Variants in NRG3 observed in about 807,000 individuals in gnomAD.
NRG3 encodes pro-neuregulin-3, membrane-bound isoform.
A neutral mutation model predicts 66.9 loss-of-function variants in NRG3; 31 were observed. The ratio of observed to expected loss-of-function variants is 0.46; its 90% confidence interval spans 0.35 to 0.63. The LOEUF is 0.63. Among genes scored for constraint, NRG3 ranks in the 20% least tolerant of loss-of-function variants. The pLI is 0.00. For missense variants in NRG3, 910 were observed against 878.9 expected, an observed-to-expected ratio of 1.04 and a Z score of -0.45; for synonymous variants, 393 against 359.4, an observed-to-expected ratio of 1.09 and a Z score of -1.06.
At chr10:82,072,881 C>T (rs952818462) in intron 1 of NRG3, among the ~76,000 whole-genome samples, 2 of 152,116 alleles carry the variant, frequency 1.3e-5, no homozygotes. Flanking sequence ...AGCCTTCCTC[C>T]TCAGCCTTCT....
intron 1 of NRG3, among the ~76,000 whole-genome samples, chr10:81,999,170 G>C (rs1448932283): frequency 6.6e-6 from 1 of 152,130 alleles, no homozygotes; most frequent in Non-Finnish European, 1.5e-5. Flanking sequence ...AATGATTATT[G>C]ACAGTAAACA....
chr10:82,825,316 A>G (rs2062150197), intron 3 of NRG3, among the ~76,000 whole-genome samples: 1 of 152,200 alleles, frequency 6.6e-6, no homozygotes. Context: ...TTATATTTAT[A>G]TCTTTGATAC....
intron 2 of NRG3, among the ~76,000 whole-genome samples, chr10:82,612,598 C>A (rs1290063664): frequency 1.3e-5 from 2 of 152,088 alleles, no homozygotes. Flanking sequence ...ATCCATGAAT[C>A]TTTTTATCTG....
chr10:82,391,056 T>C (rs1009136068), intron 2 of NRG3, among the ~76,000 whole-genome samples: 4 of 152,308 alleles, frequency 2.6e-5, no homozygotes, highest in African/African-American at 9.6e-5. Flanking sequence ...AACAAGGACA[T>C]TTTTTAGCTT....
At chr10:82,498,590 C>G (rs1843835579) in intron 2 of NRG3, among the ~76,000 whole-genome samples, 1 of 152,118 alleles carries the variant, frequency 6.6e-6, no homozygotes, top group African/African-American at 2.4e-5. Flanking sequence ...GAGTTCATTA[C>G]AGCTGGGAGG....
chr10:82,445,894 A>G (rs891786524), intron 2 of NRG3, among the ~76,000 whole-genome samples: 5 of 152,234 alleles, frequency 3.3e-5, no homozygotes, highest in African/African-American at 1.2e-4. Context: ...TTAGCTTTAC[A>G]TTCAGGCTAC....
At chr10:82,455,506 G>A (rs571245118) in intron 2 of NRG3, among the ~76,000 whole-genome samples, 1 of 152,272 alleles carries the variant, frequency 6.6e-6, no homozygotes, top group African/African-American at 2.4e-5. Flanking sequence ...TGAAGGCCTG[G>A]AAGTTGCTGT....
chr10:82,273,966 C>A (rs1456082049), intron 1 of NRG3, among the ~76,000 whole-genome samples: 1 of 151,934 alleles, frequency 6.6e-6, no homozygotes, highest in Non-Finnish European at 1.5e-5. Flanking sequence ...AAATACATAA[C>A]TTAATTCTAT....
At chr10:82,223,815 G>A (rs2076052762) in intron 1 of NRG3, among the ~76,000 whole-genome samples, 1 of 152,090 alleles carries the variant, frequency 6.6e-6, no homozygotes, top group African/African-American at 2.4e-5. Context: ...ACTAGCAGGA[G>A]GGCAGGAATA....
At chr10:82,186,701 C>T (rs755436400) in intron 1 of NRG3, among the ~76,000 whole-genome samples, 7 of 152,102 alleles carry the variant, frequency 4.6e-5, no homozygotes, top group Admixed American at 1.3e-4. Flanking sequence ...TCAAAAATCA[C>T]GAGATTGATC....
intron 1 of NRG3, among the ~76,000 whole-genome samples, chr10:81,918,818 C>CAAAAAACAAAAAA (rs11268762): frequency 0.065 from 9,474 of 145,632 alleles, 847 homozygotes; most frequent in African/African-American, 0.2. Flanking sequence ...AGGATTTTTG[C>CAAAAAACAAAAAA]AAAAAACAAA....
chr10:82,401,971 A>G (rs557315706), intron 2 of NRG3, among the ~76,000 whole-genome samples: 92 of 152,250 alleles, frequency 6.0e-4, no homozygotes, highest in Middle Eastern at 3.4e-3. Flanking sequence ...TATATGCAAT[A>G]AAATTAGTAT....
intron 1 of NRG3, among the ~76,000 whole-genome samples, chr10:81,998,788 C>G (rs1341552640): frequency 6.6e-6 from 1 of 152,120 alleles, no homozygotes; most frequent in Admixed American, 6.6e-5. Context: ...TAGGGCTTCC[C>G]TTTTACCTGT....
chr10:82,018,813 T>C (rs1157127822), intron 1 of NRG3, among the ~76,000 whole-genome samples: 1 of 152,184 alleles, frequency 6.6e-6, no homozygotes, highest in Admixed American at 6.5e-5. Context: ...TGAAGTTGCT[T>C]ATCAGCTTAA....
chr10:82,917,599 C>T (rs1845966468), intron 4 of NRG3, among the ~76,000 whole-genome samples: 1 of 152,158 alleles, frequency 6.6e-6, no homozygotes, highest in South Asian at 2.1e-4. Context: ...TCCCTAACTC[C>T]TCTGATAGTT....
intron 2 of NRG3, among the ~76,000 whole-genome samples, chr10:82,449,040 G>T (rs1429555577): frequency 6.6e-6 from 1 of 152,136 alleles, no homozygotes; most frequent in Non-Finnish European, 1.5e-5. Flanking sequence ...GCAAGAAAAG[G>T]AGAAGCACTG....
At chr10:82,024,576 A>G (rs939770374) in intron 1 of NRG3, among the ~76,000 whole-genome samples, 3 of 152,084 alleles carry the variant, frequency 2.0e-5, no homozygotes, top group Non-Finnish European at 4.4e-5. Context: ...AAACTTATGT[A>G]TAAGTGGGTT....
intron 1 of NRG3, among the ~76,000 whole-genome samples, chr10:81,975,338 TATC>T (rs2060082134): frequency 6.6e-6 from 1 of 151,580 alleles, no homozygotes; most frequent in Admixed American, 6.6e-5. Context: ...TCTATCTATC[TATC>T]TATCTATCTA....
chr10:82,876,306 T>C (rs1166080731), intron 4 of NRG3, among the ~76,000 whole-genome samples: 1 of 152,220 alleles, frequency 6.6e-6, no homozygotes, highest in Non-Finnish European at 1.5e-5. Context: ...TTCATGAATT[T>C]CTTATGTAAT....
Sources: gnomAD v4.1 joint callset for allele counts (sites outside exome capture counted in the v4.1 genomes callset) on GRCh38, gnomAD v4.1.1 for gene constraint, MANE v1.5 for transcripts, NCBI Gene and HGNC (gene_info 2026-07-23, HGNC 2026-07-21) for gene names.